Variants in COL17A1 observed in about 807,000 individuals in gnomAD.
The protein encoded by COL17A1 is collagen alpha-1(XVII) chain.
Under a neutral mutation model 218.4 loss-of-function variants are expected in COL17A1, and 181 were observed. The observed-to-expected ratio is 0.83, with a 90% CI of 0.73 to 0.94. COL17A1 has a LOEUF of 0.94. Among genes scored for constraint, COL17A1 ranks in the 40% least tolerant of loss-of-function variants. The pLI, the probability that COL17A1 is intolerant of heterozygous loss-of-function variation, is 0.00. For missense variants in COL17A1, 1,924 were observed against 1,945.9 expected, an observed-to-expected ratio of 0.99 and a Z score of 0.21; for synonymous variants, 721 against 731.0, an observed-to-expected ratio of 0.99 and a Z score of 0.22.
chr10:104,079,820 G>A (rs185014303), intron 2 of COL17A1, among the ~76,000 whole-genome samples: 77 of 152,126 alleles, frequency 5.1e-4, no homozygotes, highest in African/African-American at 1.7e-3. Flanking sequence ...CCAGCTGCTC[G>A]GGAGGCTGAG....
At chr10:104,078,245 G>T (rs886368882) in intron 3 of COL17A1, among the ~76,000 whole-genome samples, 2 of 152,178 alleles carry the variant, frequency 1.3e-5, no homozygotes, top group African/African-American at 4.8e-5. Context: ...GTGGTTTCCA[G>T]GGGCTGAGGA....
In COL17A1 at chr10:104,037,107, C is replaced by G; in HGVS notation, c.3215G>C (p.Gly1072Ala). Reference sequence around the variant, plus strand: ...GGACGAGAACAAGCTGACACCGTACCCCGAAGCTGTCGGGAAGAAAACCTC... The same window carrying G: ...GGACGAGAACAAGCTGACACCGTACGCCGAAGCTGTCGGGAAGAAAACCTC... ...SHVVSYLRTSGYGVSLFSSSI... is the reference protein window; with the variant it reads ...SHVVSYLRTSAYGVSLFSSSI... Residue 1072 changes from glycine (G) to alanine (A), a missense_variant, in exon 47 of 56, where the codon GGG (glycine) becomes GCG (alanine). By Grantham distance (60) the Gly-to-Ala change is moderately conservative. Coordinates refer to ENST00000648076, the MANE Select transcript of COL17A1 (RefSeq NM_000494.4). 1 of 1,604,958 alleles carries G rather than the reference C, an allele frequency of 6.2e-7. No individual in the cohort carries two copies. Among genetic ancestry groups the G allele is most frequent in the South Asian group, 1.1e-5 (1 of 88,850 alleles).
At position 104,036,545 on chromosome 10, in the gene COL17A1, A is replaced by G. The variant is rs771200465; in HGVS notation, c.3365T>C (p.Leu1122Pro). The G allele has an allele frequency of 6.6e-5, 106 of 1,613,828 alleles. No homozygotes were observed. The highest frequency in any genetic ancestry group is 5.8e-5 in the Non-Finnish European group (69 of 1,179,946). The change falls in exon 48 of 56, where the codon CTC becomes CCC. Residue 1122 changes from leucine (L) to proline (P), a missense_variant. By Grantham distance (98) the Leu-to-Pro change is moderately conservative. Coordinates refer to ENST00000648076, the MANE Select transcript of COL17A1 (RefSeq NM_000494.4). ...GPPGASGDGS[L>P]LSLDYAELSS... Reference sequence around the variant, plus strand: ...CAGCTCTGCATAGTCCAAAGACAGGAGGGACCCATCTCCACTGGCTCCTGG... The same window carrying G: ...CAGCTCTGCATAGTCCAAAGACAGGGGGGACCCATCTCCACTGGCTCCTGG...
chr10:104,083,227 A>G (rs1325580091), intron 1 of COL17A1, among the ~76,000 whole-genome samples: 1 of 152,186 alleles, frequency 6.6e-6, no homozygotes, highest in Non-Finnish European at 1.5e-5. Context: ...AAGTGCTGAT[A>G]GTTTTTAAAA....
chr10:104,040,598 ATAGG>A (rs764294431), intron 39 of COL17A1, among the ~76,000 whole-genome samples, 188 bp from the exon 40 acceptor site: 49 of 143,628 alleles, frequency 3.4e-4, no homozygotes, highest in South Asian at 8.4e-4. Context: ...GGATGGATGG[ATAGG>A]TGGATGGATG....
intron 13 of COL17A1, among the ~76,000 whole-genome samples, chr10:104,060,802 C>T (rs1023167728): frequency 2.6e-5 from 4 of 152,174 alleles, no homozygotes; most frequent in East Asian, 1.9e-4. Flanking sequence ...ATGTGTTTGT[C>T]GTCTGCCTCC....
At chr10:104,078,007 G>A (rs1419731166) in intron 3 of COL17A1, among the ~76,000 whole-genome samples, 1 of 152,180 alleles carries the variant, frequency 6.6e-6, no homozygotes, top group Admixed American at 6.5e-5. Flanking sequence ...GACTTCACCT[G>A]CTGGTGGGTG....
chr10:104,048,339 T>C lies in COL17A1; in HGVS notation c.2228-235A>G, dbSNP rs77721876. 4.3e-3 allele frequency among the ~76,000 whole-genome samples: 652 copies of C among 152,338 alleles called. 4 individuals are homozygous for C. Among genetic ancestry groups the C allele is most frequent in the African/African-American group, 0.013 (529 of 41,564 alleles). On this transcript the variant is annotated intron_variant, in intron 29 of 55. Transcript: ENST00000648076. ...AATTGTTCAGTGCCTTCCCATTGCA[T>C]CTCAAGCGCCTCGATGCTCAATGCT...
chr10:104,079,699 G>A (rs528658186), intron 2 of COL17A1, among the ~76,000 whole-genome samples: 65 of 152,274 alleles, frequency 4.3e-4, no homozygotes, highest in African/African-American at 1.4e-3. Flanking sequence ...AGGCCGAGGC[G>A]GGCAGATCAC....
In COL17A1 at chr10:104,033,272, G is replaced by A. The variant is rs757102364; in HGVS notation, c.4260C>T (p.Ser1420=). The A allele has an allele frequency of 6.3e-7, 1 of 1,594,400 alleles. No individual in the cohort carries two copies. Among genetic ancestry groups the A allele is most frequent in the Admixed American group, 1.8e-5 (1 of 56,350 alleles). The part of the protein sequence containing the change: ...PGISKVFSAY[S]NVTADLMDFF... ...AGTCCATGAGGTCCGCAGTCACGTT[G>A]CTGTAGGCAGAGAAGACCTTGCTGA... The change falls in exon 53 of 56, where the codon AGC becomes AGT. Residue 1420 remains serine, a synonymous_variant. Transcript: ENST00000648076.
chr10:104,055,235 T>G, intron 19 of COL17A1, 137 bp downstream of exon 19: 1 of 1,506,110 alleles, frequency 6.6e-7, no homozygotes, highest in Non-Finnish European at 9.2e-7. Flanking sequence ...AACAGATACC[T>G]CCCAACAGAT....
intron 11 of COL17A1, 149 bp from the exon 12 acceptor site, chr10:104,062,478 C>A (rs1047495212): frequency 2.8e-6 from 3 of 1,086,720 alleles, no homozygotes; most frequent in South Asian, 2.8e-5. Flanking sequence ...CTCTTTGTAA[C>A]GTAGTAAATT....
At chr10:104,070,374 A>T (rs1282604436) in intron 9 of COL17A1, 52 bp downstream of exon 9, 1 of 1,610,752 alleles carries the variant, frequency 6.2e-7, no homozygotes, top group East Asian at 2.2e-5. Context: ...TTGGGTTTGG[A>T]TGGGTAAGTT....
At chr10:104,050,709 GA>G (rs1382624443) in intron 26 of COL17A1, 53 bp from the exon 27 acceptor site, 65 of 1,614,044 alleles carry the variant, frequency 4.0e-5, no homozygotes, top group Non-Finnish European at 5.5e-5. Flanking sequence ...GGACAACCAG[GA>G]AGGGGCAATG....
intron 8 of COL17A1, 64 bp from the exon 9 acceptor site, chr10:104,070,633 T>C (rs1564684877): frequency 6.2e-7 from 1 of 1,612,946 alleles, no homozygotes; most frequent in Non-Finnish European, 8.5e-7. Flanking sequence ...CCTGTGCAAC[T>C]GGGGGGAACA....
intron 1 of COL17A1, among the ~76,000 whole-genome samples, chr10:104,084,076 G>A (rs1226548124): frequency 2.0e-5 from 3 of 152,206 alleles, no homozygotes; most frequent in Admixed American, 6.5e-5. Flanking sequence ...ACACCCCAGA[G>A]ATGGGTTTGC....
At chr10:104,049,990 C>T (rs1389061616) in intron 28 of COL17A1, 99 bp downstream of exon 28, 1 of 1,579,656 alleles carries the variant, frequency 6.3e-7, no homozygotes, top group African/African-American at 1.3e-5. Context: ...GGGTTTTAAA[C>T]AGATTCGGTC....
Position 104,055,872 on chromosome 10 carries a change from C to T in COL17A1, c.1597G>A (p.Ala533Thr), listed in dbSNP as rs767915548. ...TGCAGCCCAATTTTGTCCAGGTCTG[C>T]TCCCGCCGCGGGTGCCATGCCCTGG... ...RLQGMAPAAG[A>T]DLDKIGLHSD... Residue 533 changes from alanine (A) to threonine (T), a missense_variant, in exon 18 of 56, where the codon GCA becomes ACA. Physicochemically the swap from Ala to Thr is moderately conservative, Grantham distance 58. Transcript: ENST00000648076. 3.5e-5 allele frequency: 57 copies of T among 1,614,098 alleles called. No homozygotes were observed. The highest frequency in any genetic ancestry group is 4.8e-5 in the Non-Finnish European group (57 of 1,180,052).
intron 35 of COL17A1, 95 bp from the exon 36 acceptor site, chr10:104,042,550 ACC>A (rs2086370780): frequency 7.8e-7 from 1 of 1,273,904 alleles, no homozygotes; most frequent in Non-Finnish European, 1.1e-6. Context: ...TGGAACAGAG[ACC>A]CAAAGAGGCC....
Sources: allele counts gnomAD v4.1 joint callset (sites outside exome capture counted in the v4.1 genomes callset), GRCh38; gene constraint gnomAD v4.1.1; transcripts MANE v1.5; gene names NCBI Gene and HGNC (gene_info 2026-07-23, HGNC 2026-07-21).